Variants in THBS3 observed in about 807,000 individuals in gnomAD.
The protein encoded by THBS3 is thrombospondin-3.
Under a neutral mutation model 118.3 loss-of-function variants are expected in THBS3, and 78 were observed. The observed-to-expected ratio is 0.66, with a 90% CI of 0.55 to 0.80. The LOEUF (loss-of-function observed/expected upper bound fraction) is 0.80, where lower values mean the gene tolerates loss of function less well. Among genes scored for constraint, THBS3 ranks in the 30% least tolerant of loss-of-function variants. THBS3 has a pLI of 0.00. For synonymous variants in THBS3, 427 were observed against 475.3 expected, an observed-to-expected ratio of 0.90 and a Z score of 1.32; for missense variants, 1,057 against 1,247.4, an observed-to-expected ratio of 0.85 and a Z score of 2.30.
At chr1:155,207,977 G>A (rs1038970007), upstream of THBS3, 5 of 760,744 alleles carry the variant, frequency 6.6e-6, no homozygotes, top group Middle Eastern at 4.5e-4. Context: ...CAGAATTGGA[G>A]GGGGGGCCAG....
rs1669653391 is a variant in THBS3, at chr1:155,201,150, C to T, written c.1384G>A (p.Asp462Asn). 4 of 1,614,168 alleles carry T rather than the reference C, an allele frequency of 2.5e-6. No individual in the cohort carries two copies. The highest frequency in any genetic ancestry group is 3.4e-6 in the Non-Finnish European group (4 of 1,180,050). ...GNVCGTDTDI[D>N]GYPDQALPCM... ...GGCAGTGCTTGGTCTGGGTAGCCAT[C>T]GATGTCTGTGTCAGTCCCACACACG... The change falls in exon 12 of 23, where the codon GAT (aspartate) becomes AAT (asparagine). Residue 462 changes from aspartate (D) to asparagine (N), a missense_variant. This residue lies in a region of THBS3 where 544 missense variants were observed against 715.6 expected (regional missense o/e 0.76). Transcript: ENST00000368378.
chr1:155,207,899 CCTGGCAGGCAGG>C, upstream of THBS3: 2 of 1,612,934 alleles, frequency 1.2e-6, no homozygotes, highest in Non-Finnish European at 1.7e-6. Flanking sequence ...GCTCACTACC[CCTGGCAGGCAGG>C]CAGCTGGGAG....
At chr1:155,200,863 G>A in intron 13 of THBS3, 34 bp downstream of exon 13, 1 of 1,614,002 alleles carries the variant, frequency 6.2e-7, no homozygotes, top group Non-Finnish European at 8.5e-7. Flanking sequence ...GGAGGGGAGA[G>A]GAGCTTCAAG....
upstream of THBS3, chr1:155,208,807 G>A (rs747037609): frequency 6.5e-7 from 1 of 1,545,854 alleles, no homozygotes; most frequent in Non-Finnish European, 8.7e-7. Context: ...TGGAAAACAT[G>A]CTGCTCGGGG....
Position 155,203,219 on chromosome 1 carries a change from A to G in THBS3, c.756+4T>C, listed in dbSNP as rs1208672441. 9.3e-6 allele frequency: 15 copies of G among 1,614,016 alleles called. No homozygotes were observed. The highest frequency in any genetic ancestry group is 1.3e-5 in the Non-Finnish European group (15 of 1,180,022). On this transcript the variant is annotated splice_donor_region_variant and intron_variant, in intron 6 of 22. Coordinates refer to ENST00000368378, the MANE Select transcript of THBS3 (RefSeq NM_007112.5). ...AGTGCCACCCTTCGCCAGCCCACCC[A>G]AACCTGGTCTCGTATATCATCCCGC...
In THBS3 at chr1:155,197,708, C is replaced by A. The variant is rs1386329445; in HGVS notation, c.2303-49G>T. The A allele has an allele frequency of 6.2e-7, 1 of 1,603,944 alleles. No individual in the cohort carries two copies. The highest frequency in any genetic ancestry group is 1.7e-5 in the Admixed American group (1 of 59,634). The stretch of plus-strand genomic sequence containing the variant: ...TCAGGGGCAGCAAAGCTACTGGCGG[C>A]CCATCATGGGGTAAAGTTGGGAAGG... On this transcript the variant is annotated intron_variant, in intron 19 of 22. Coordinates refer to ENST00000368378, the MANE Select transcript of THBS3 (RefSeq NM_007112.5). This position sits in a 1 kb window ranked among gnomAD's most constrained non-coding sequence, Gnocchi z 5.0.
Position 155,205,236 on chromosome 1 carries a change from G to A in THBS3, c.367C>T (p.His123Tyr). The A allele has an allele frequency of 5.0e-6, 8 of 1,614,168 alleles. No individual in the cohort carries two copies. The highest frequency in any genetic ancestry group is 6.8e-6 in the Non-Finnish European group (8 of 1,180,034). The change falls in exon 3 of 23, where the codon CAC becomes TAC. Residue 123 changes from histidine to tyrosine, a missense_variant. His to Tyr is a moderately conservative substitution (Grantham distance 83). Coordinates refer to ENST00000368378, the MANE Select transcript of THBS3 (RefSeq NM_007112.5). ...CCTCGGAGTCGCAGGAGAACTGTGT[G>A]TGTGCGCCCATCAGCCAGGCCCGCT... ...QQAGLADGRT[H>Y]TVLLRLRGPS...
At chr1:155,201,911 T>C in intron 10 of THBS3, 46 bp downstream of exon 10, 1 of 1,611,816 alleles carries the variant, frequency 6.2e-7, no homozygotes, top group South Asian at 1.1e-5. Flanking sequence ...GGTTGGGGTT[T>C]TACCATTCCC....
rs775122671 is a variant in THBS3 at position 155,198,358 on chromosome 1, A to AG, written c.2074+50_2074+51insC. On this transcript the variant is annotated intron_variant, in intron 17 of 22. Coordinates refer to ENST00000368378, the MANE Select transcript of THBS3 (RefSeq NM_007112.5). The stretch of plus-strand genomic sequence containing the variant: ...CTTCCCAACAGGGCTTGCTGCCTCC[A>AG]CCTGGGCAAAGGCAACACCAGTCTA... 8 of 1,593,758 alleles carry AG rather than the reference A, an allele frequency of 5.0e-6. No homozygotes were observed. The East Asian group carries it at 1.6e-4, about 31-fold the overall frequency.
At position 155,201,550 on chromosome 1, in the gene THBS3, G is replaced by T. The variant is rs531410916; in HGVS notation, c.1196C>A (p.Pro399His). ...GTTGCCCAGGAAACCCAGGCGGCAG[G>T]GACCACACTTGAAAGAGCCCTAAGA... ...TNTVGSFKCG[P>H]CRLGFLGNQS... The change falls in exon 11 of 23, where the codon CCC (proline) becomes CAC (histidine). Residue 399 changes from proline (P) to histidine (H), a missense_variant. Physicochemically the swap from Pro to His is moderately conservative, Grantham distance 77. Coordinates refer to ENST00000368378, the MANE Select transcript of THBS3 (RefSeq NM_007112.5). 3.1e-6 allele frequency: 5 copies of T among 1,614,090 alleles called. No individual in the cohort carries two copies. In the South Asian group the frequency reaches 4.4e-5, roughly 14 times the overall value.
intron 10 of THBS3, 51 bp from the exon 11 acceptor site, chr1:155,201,620 C>T: frequency 1.9e-6 from 3 of 1,582,054 alleles, no homozygotes; most frequent in Middle Eastern, 1.7e-4. Flanking sequence ...CCACCAGGCA[C>T]CCAGGACCAG....
At chr1:155,203,478 C>G (rs187681941) in intron 5 of THBS3, 35 bp downstream of exon 5, 39 of 1,612,094 alleles carry the variant, frequency 2.4e-5, no homozygotes, top group Non-Finnish European at 3.1e-5. Flanking sequence ...GCCTCCTCCC[C>G]GCTCCCCGCT....
chr1:155,198,146 C>G lies in THBS3; in HGVS notation c.2149G>C (p.Glu717Gln). ...AVVDPLDVCPESAEVTLTDFR... is the reference protein window; with the variant it reads ...AVVDPLDVCPQSAEVTLTDFR... ...TCCGTAAGCGTTACCTCTGCACTTT[C>G]AGGACACACATCCAGGGGGTCGACC... The change falls in exon 18 of 23, where the codon GAA (glutamate) becomes CAA (glutamine). Residue 717 changes from glutamate (E) to glutamine (Q), a missense_variant. By Grantham distance (29) the Glu-to-Gln change is conservative (BLOSUM62 2). Transcript: ENST00000368378. 1 of 1,614,190 alleles carries G rather than the reference C, an allele frequency of 6.2e-7. No individual in the cohort carries two copies. The highest frequency in any genetic ancestry group is 8.5e-7 in the Non-Finnish European group (1 of 1,180,050).
At position 155,197,996 on chromosome 1, in the gene THBS3, G is replaced by A. The variant is rs763551390; in HGVS notation, c.2253+46C>T. 3.7e-6 allele frequency: 6 copies of A among 1,614,004 alleles called. No individual in the cohort carries two copies. In the South Asian group the frequency reaches 5.5e-5, roughly 15 times the overall value. On this transcript the variant is annotated intron_variant, in intron 18 of 22. Coordinates refer to ENST00000368378, the MANE Select transcript of THBS3 (RefSeq NM_007112.5). The surrounding 1 kb of genome is among the most constrained non-coding windows in gnomAD (Gnocchi z 5.0). ...TATCCCTCCCAGGCCCCCCGTCCCA[G>A]TAGCCCTGTCTGATAGCACCTGCCC...
intron 2 of THBS3, chr1:155,205,541 G>C: frequency 1.8e-6 from 1 of 565,404 alleles, no homozygotes; most frequent in East Asian, 3.1e-5. Context: ...ACTTTAGAAG[G>C]CCAAGGTGGG....
Position 155,197,917 on chromosome 1 carries a change from G to A in THBS3, c.2265C>T (p.Ile755=), listed in dbSNP as rs1425403459. The part of the protein sequence containing the change: ...NWVVLNQGME[I]VQTMNSDPGL... ...CAGGGTCACTGTTCATGGTCTGAACGATTTCCATGCCCTGGGGTTGTATAG... is the reference window on the plus strand; with the variant it reads ...CAGGGTCACTGTTCATGGTCTGAACAATTTCCATGCCCTGGGGTTGTATAG... The change falls in exon 19 of 23, where the codon ATC becomes ATT. Residue 755 remains isoleucine (I), a synonymous_variant. Transcript: ENST00000368378. The surrounding 1 kb of genome is among the most constrained non-coding windows in gnomAD (Gnocchi z 5.0). The A allele has an allele frequency of 1.2e-6, 2 of 1,613,936 alleles. No individual in the cohort carries two copies. The highest frequency in any genetic ancestry group is 1.7e-6 in the Non-Finnish European group (2 of 1,180,014).
intron 16 of THBS3, among the ~76,000 whole-genome samples, chr1:155,199,211 C>A (rs1011125283): frequency 6.7e-6 from 1 of 149,628 alleles, no homozygotes; most frequent in Admixed American, 6.7e-5. Flanking sequence ...GAGATCGAGA[C>A]CATCCTGGTT....
chr1:155,196,270 A>G (rs1668651258), intron 21 of THBS3, 144 bp from the exon 22 acceptor site: 1 of 1,002,392 alleles, frequency 1.0e-6, no homozygotes, highest in African/African-American at 1.6e-5. Context: ...AAAGGGAGGC[A>G]GGAAGGAGAG....
rs201599024 is a variant in THBS3, at chr1:155,199,954, A to G, written c.1827+41T>C. The G allele has an allele frequency of 1.3e-5, 21 of 1,608,190 alleles. 1 individual carries two copies. The East Asian group carries it at 3.1e-4, about 24-fold the overall frequency. ...CCAAAGGGCTGGGGCTTCATCCATCAGTACCCTCATCCCTCCCCTGTCCTT... is the reference window on the plus strand; with the variant it reads ...CCAAAGGGCTGGGGCTTCATCCATCGGTACCCTCATCCCTCCCCTGTCCTT... On this transcript the variant is annotated intron_variant, in intron 15 of 22. Coordinates refer to ENST00000368378, the MANE Select transcript of THBS3 (RefSeq NM_007112.5).
Sources: allele counts gnomAD v4.1 joint callset (sites outside exome capture counted in the v4.1 genomes callset), GRCh38; gene constraint gnomAD v4.1.1; regional missense constraint gnomAD v4.1.1; non-coding constraint Gnocchi (gnomAD v3.1); transcripts MANE v1.5; gene names NCBI Gene and HGNC (gene_info 2026-07-23, HGNC 2026-07-21).